LDB2: variants seen among roughly 807,000 people sequenced by gnomAD.
The protein encoded by LDB2 is LIM domain binding 2.
LDB2 carries 12 observed loss-of-function variants against 44.3 expected under a neutral mutation model. That is an observed-to-expected ratio of 0.27 (90% confidence interval 0.17 to 0.44). The LOEUF (loss-of-function observed/expected upper bound fraction) is 0.44. LDB2 is among the 20% of genes least tolerant of loss of function. The pLI, the probability that LDB2 is intolerant of heterozygous loss-of-function variation, is 1.00. For missense variants in LDB2, 344 were observed against 473.5 expected (o/e 0.73, Z 2.54); for synonymous variants, 164 against 174.8 (o/e 0.94, Z 0.49).
intron 5 of LDB2, among the ~76,000 whole-genome samples, chr4:16,512,402 A>G (rs1722099323): frequency 6.6e-6 from 1 of 152,096 alleles, no homozygotes; most frequent in African/African-American, 2.4e-5. Context: ...GGGTGGATAT[A>G]TGTAGCTCTA....
intron 2 of LDB2, among the ~76,000 whole-genome samples, chr4:16,625,588 C>G (rs1000422356): frequency 2.0e-5 from 3 of 152,144 alleles, no homozygotes; most frequent in African/African-American, 7.2e-5. Flanking sequence ...CAGTACTCTT[C>G]CTTGAATATA....
chr4:16,583,242 C>G (rs1449307875), intron 5 of LDB2, among the ~76,000 whole-genome samples: 3 of 152,184 alleles, frequency 2.0e-5, no homozygotes, highest in Non-Finnish European at 2.9e-5. Context: ...AATTTTGTTA[C>G]GTTAGACACT....
intron 1 of LDB2, among the ~76,000 whole-genome samples, chr4:16,836,977 A>C (rs1784988451): frequency 6.6e-6 from 1 of 152,210 alleles, no homozygotes; most frequent in African/African-American, 2.4e-5. Flanking sequence ...GAACTGCTAC[A>C]TAACCATTAT....
At chr4:16,828,871 A>G (rs1315026859) in intron 1 of LDB2, among the ~76,000 whole-genome samples, 1 of 152,130 alleles carries the variant, frequency 6.6e-6, no homozygotes, top group East Asian at 1.9e-4. Context: ...AAAAGTGGAG[A>G]CACCTGCAAC....
At chr4:16,786,654 T>C (rs1579653692) in intron 1 of LDB2, among the ~76,000 whole-genome samples, 1 of 152,276 alleles carries the variant, frequency 6.6e-6, no homozygotes, top group East Asian at 1.9e-4. Flanking sequence ...GCACAGACAT[T>C]AGGGGCTAGG....
chr4:16,889,620 G>GA (rs1722771292), intron 1 of LDB2, among the ~76,000 whole-genome samples: 1 of 152,120 alleles, frequency 6.6e-6, no homozygotes, highest in South Asian at 2.1e-4. Flanking sequence ...TTAGCGTCAG[G>GA]ATGGCCAGTG....
chr4:16,763,073 CCACACACACACACACACACACA>C (rs57168902), intron 1 of LDB2, among the ~76,000 whole-genome samples: 2 of 140,136 alleles, frequency 1.4e-5, no homozygotes, highest in African/African-American at 2.6e-5. Context: ...TTAGGTAACA[CCACACACACACACACACACACA>C]CACACACACA....
At chr4:16,885,846 T>TGA (rs1721517653) in intron 1 of LDB2, among the ~76,000 whole-genome samples, 1 of 152,184 alleles carries the variant, frequency 6.6e-6, no homozygotes, top group African/African-American at 2.4e-5. Context: ...TAGTACTAAA[T>TGA]GCTAACGGTC....
intron 2 of LDB2, among the ~76,000 whole-genome samples, chr4:16,669,136 C>G (rs928418860): frequency 6.6e-6 from 1 of 152,188 alleles, no homozygotes; most frequent in Non-Finnish European, 1.5e-5. Flanking sequence ...AATCATCTAC[C>G]AGGGACCTCA....
chr4:16,761,270 C>T (rs1767853033), intron 1 of LDB2, among the ~76,000 whole-genome samples: 1 of 152,216 alleles, frequency 6.6e-6, no homozygotes, highest in Non-Finnish European at 1.5e-5. Flanking sequence ...GACCACTGGA[C>T]ACCCCCGACC....
At chr4:16,580,518 ATG>A (rs1713954487) in intron 5 of LDB2, among the ~76,000 whole-genome samples, 1 of 152,192 alleles carries the variant, frequency 6.6e-6, no homozygotes, top group Non-Finnish European at 1.5e-5. Flanking sequence ...AAAAAAGAGA[ATG>A]TGCCTTAGGC....
At chr4:16,848,949 C>G (rs939136692) in intron 1 of LDB2, among the ~76,000 whole-genome samples, 2 of 152,188 alleles carry the variant, frequency 1.3e-5, no homozygotes, top group South Asian at 2.1e-4. Flanking sequence ...ACTGATATAT[C>G]TGATTAAAGC....
intron 2 of LDB2, among the ~76,000 whole-genome samples, chr4:16,737,784 T>C (rs1762202348): frequency 6.6e-6 from 1 of 152,214 alleles, no homozygotes; most frequent in African/African-American, 2.4e-5. Flanking sequence ...TGTTGAATGA[T>C]TTGTCTCTGA....
chr4:16,708,826 T>G (rs1054788964), intron 2 of LDB2, among the ~76,000 whole-genome samples: 6 of 152,098 alleles, frequency 3.9e-5, no homozygotes, highest in Admixed American at 6.6e-5. Context: ...CCCCAACACC[T>G]GCTTTTCTCC....
intron 1 of LDB2, among the ~76,000 whole-genome samples, chr4:16,773,048 C>G (rs1428534780): frequency 6.6e-6 from 1 of 152,148 alleles, no homozygotes; most frequent in African/African-American, 2.4e-5. Flanking sequence ...ATTGGCTTTT[C>G]ACCCGCAAAT....
intron 5 of LDB2, among the ~76,000 whole-genome samples, chr4:16,555,333 TGGG>T (rs1739170562): frequency 6.6e-6 from 1 of 152,218 alleles, no homozygotes; most frequent in Non-Finnish European, 1.5e-5. Flanking sequence ...TGCGTTACTA[TGGG>T]AAATTCCTTA....
At chr4:16,609,953 A>T (rs1168414712) in intron 2 of LDB2, among the ~76,000 whole-genome samples, 1 of 152,152 alleles carries the variant, frequency 6.6e-6, no homozygotes, top group East Asian at 1.9e-4. Flanking sequence ...TCCTAATGGC[A>T]TCAGGTTGGT....
At chr4:16,521,998 G>A (rs11931610) in intron 5 of LDB2, among the ~76,000 whole-genome samples, 35,917 of 151,998 alleles carry the variant, frequency 0.24, 4,340 homozygotes, top group East Asian at 0.37. Flanking sequence ...TAATAAGGGG[G>A]TGACCTTGGG....
intron 2 of LDB2, among the ~76,000 whole-genome samples, chr4:16,647,597 C>T (rs144607168): frequency 1.6e-3 from 243 of 152,220 alleles, no homozygotes; most frequent in African/African-American, 4.2e-3. Flanking sequence ...TAACTGCATT[C>T]GATCTGACCC....
Sources: gnomAD v4.1 joint callset for allele counts (sites outside exome capture counted in the v4.1 genomes callset) on GRCh38, gnomAD v4.1.1 for gene constraint, MANE v1.5 for transcripts, NCBI Gene and HGNC (gene_info 2026-07-23, HGNC 2026-07-21) for gene names.